Variants in YJU2B observed in about 807,000 individuals in gnomAD.
The protein encoded by YJU2B is YJU2 splicing factor homolog B.
Under a neutral mutation model 38.0 loss-of-function variants are expected in YJU2B, and 18 were observed. That is an observed-to-expected ratio of 0.47 (90% CI 0.33 to 0.70). The LOEUF is 0.70. Among genes scored for constraint, YJU2B ranks in the 30% least tolerant of loss-of-function variants. The probability of loss-of-function intolerance (pLI) is 0.02; values close to 1 mark genes in which losing one functional copy is unlikely to be tolerated. For synonymous variants in YJU2B, 246 were observed against 225.4 expected (o/e 1.09, Z -0.82); for missense variants, 538 against 556.3 (o/e 0.97, Z 0.33).
In YJU2B at chr19:13,762,214, G is replaced by A. The variant is rs540687727; in HGVS notation, c.574-85G>A. On this transcript the variant is annotated intron_variant, in intron 8 of 9. Coordinates refer to ENST00000221554, the MANE Select transcript of YJU2B (RefSeq NM_030818.4). Reference sequence around the variant, plus strand: ...TCTCAAAAAGAGTAAATGAGACCCCGAGAGTTGGAGCAGTGCCCCCTAGTA... The same window carrying A: ...TCTCAAAAAGAGTAAATGAGACCCCAAGAGTTGGAGCAGTGCCCCCTAGTA... 223 of 1,475,612 alleles carry A rather than the reference G, an allele frequency of 1.5e-4. 1 individual carries two copies. The African/African-American group carries it at 1.5e-3, about 10-fold the overall frequency. 91.4% of individuals were successfully genotyped at this position (1,475,612 alleles called of 1,614,324 possible).
chr19:13,734,077 A>T (rs1845485472), intron 2 of YJU2B, among the ~76,000 whole-genome samples: 1 of 151,776 alleles, frequency 6.6e-6, no homozygotes, highest in African/African-American at 2.4e-5. Context: ...ATAGGCATGC[A>T]CCACCCTGCT....
Position 13,762,704 on chromosome 19 carries a change from C to G in YJU2B, c.827C>G (p.Ala276Gly). Residue 276 changes from alanine (A) to glycine (G), a missense_variant, in exon 10 of 10, where the codon GCA becomes GGA. This residue lies in a region of YJU2B where 488 missense variants were observed against 469.5 expected (regional missense o/e 1.04). Transcript: ENST00000221554. ...GTCAGCGGCGTCCTGAAGAAGCTGG[C>G]ACAGAGCCGCAGAACCGCGCTTGCC... ...SKVSGVLKKL[A>G]QSRRTALATS... 1 of 1,605,534 alleles carries G rather than the reference C, an allele frequency of 6.2e-7. No individual in the cohort carries two copies. The highest frequency in any genetic ancestry group is 8.5e-7 in the Non-Finnish European group (1 of 1,179,406).
intron 4 of YJU2B, among the ~76,000 whole-genome samples, chr19:13,756,749 T>C (rs1599527891): frequency 6.6e-6 from 1 of 151,922 alleles, no homozygotes; most frequent in Non-Finnish European, 1.5e-5. Context: ...GTGAGGCAGG[T>C]GGATCACTTG....
upstream of YJU2B, among the ~76,000 whole-genome samples, chr19:13,743,147 G>GTTTTTTTTTTTTTTTTTTTTTTTT (rs1568279357): frequency 5.9e-5 from 9 of 152,164 alleles, no homozygotes; most frequent in African/African-American, 2.2e-4. Flanking sequence ...TGCAGGTGGG[G>GTTTTTTTTTTTTTTTTTTTTTTTT]GTTTTTTAAG....
Position 13,762,301 on chromosome 19 carries a change from A to G in YJU2B, c.576A>G (p.Glu192=), listed in dbSNP as rs1350876035. Residue 192 remains glutamate, a splice_region_variant and synonymous_variant, in exon 9 of 10, where the codon GAA becomes GAG. Transcript: ENST00000221554. ...GGTGTTCTTGGCCCTCAACACAGGA[A>G]AAGAAAAAAGCCATCCAGGAGGAGG... The part of the protein sequence containing the change: ...LNSMLRRRFR[E]KKKAIQEEEE... The G allele has an allele frequency of 6.2e-7, 1 of 1,613,320 alleles. No homozygotes were observed. Among genetic ancestry groups the G allele is most frequent in the African/African-American group, 1.3e-5 (1 of 74,830 alleles).
chr19:13,752,842 G>A (rs1973521561), intron 2 of YJU2B, among the ~76,000 whole-genome samples: 4 of 151,958 alleles, frequency 2.6e-5, no homozygotes, highest in Admixed American at 6.6e-5. Context: ...GAACTCAGGA[G>A]GCAGAGGTTG....
At chr19:13,737,697 A>C (rs1972990247) in intron 2 of YJU2B, among the ~76,000 whole-genome samples, 2 of 151,268 alleles carry the variant, frequency 1.3e-5, no homozygotes, top group Non-Finnish European at 2.9e-5. Context: ...AGGCAGGGGA[A>C]TCGCTGGAAC....
chr19:13,747,288 C>T (rs528200506), upstream of YJU2B, among the ~76,000 whole-genome samples: 3 of 152,250 alleles, frequency 2.0e-5, no homozygotes, highest in East Asian at 3.9e-4. Context: ...TATTTACGTA[C>T]GCTGAAATTT....
rs1008932356 is a variant in YJU2B, at chr19:13,757,564, T to C, written c.196+91T>C. 39 of 1,254,238 alleles carry C rather than the reference T, an allele frequency of 3.1e-5. 1 individual carries two copies. Among genetic ancestry groups the C allele is most frequent in the Non-Finnish European group, 7.0e-6 (6 of 861,496 alleles). 77.7% of individuals were successfully genotyped at this position (1,254,238 alleles called of 1,614,324 possible). A position where few individuals can be genotyped will look rare whatever the true frequency, so the allele number is the denominator to read the frequency against. On this transcript the variant is annotated intron_variant, in intron 5 of 9. Coordinates refer to ENST00000221554, the MANE Select transcript of YJU2B (RefSeq NM_030818.4). Reference sequence around the variant, plus strand: ...CGGGGTGGGGGTGGGAGGGTCCTGATCAGGAATGAGGGAGGAGACGGGCAC... The same window carrying C: ...CGGGGTGGGGGTGGGAGGGTCCTGACCAGGAATGAGGGAGGAGACGGGCAC...
In YJU2B at chr19:13,757,768, C is replaced by T. The variant is rs181701643; in HGVS notation, c.197-18C>T. ...CAGATGGCAATGAAATTACCACCCC[C>T]GCCTGACCCCCTTCCAGGTGTTCGT... On this transcript the variant is annotated intron_variant, in intron 5 of 9. Transcript: ENST00000221554. 142 of 1,613,632 alleles carry T rather than the reference C, an allele frequency of 8.8e-5. 2 individuals are homozygous for T. The African/African-American group carries it at 9.1e-4, about 10-fold the overall frequency.
intron 1 of YJU2B, among the ~76,000 whole-genome samples, chr19:13,748,952 C>T (rs1973352116): frequency 6.6e-6 from 1 of 152,212 alleles, no homozygotes; most frequent in Non-Finnish European, 1.5e-5. Context: ...ACCACTGCCT[C>T]ACCACCTCAC....
At chr19:13,737,059 G>A (rs1029259626) in intron 2 of YJU2B, among the ~76,000 whole-genome samples, 14 of 150,000 alleles carry the variant, frequency 9.3e-5, no homozygotes, top group Non-Finnish European at 1.9e-4. Context: ...AGAGGGTCTC[G>A]CTCTGTCACC....
At chr19:13,756,346 A>C (rs1973668603) in intron 4 of YJU2B, 67 bp downstream of exon 4, 2 of 1,313,230 alleles carry the variant, frequency 1.5e-6, no homozygotes, top group East Asian at 4.6e-5. Context: ...AGGAGAGTTC[A>C]GTGCCCTCAT....
intron 2 of YJU2B, among the ~76,000 whole-genome samples, chr19:13,733,953 G>A (rs1351992532): frequency 6.6e-6 from 1 of 152,042 alleles, no homozygotes; most frequent in African/African-American, 2.4e-5. Context: ...TGAGAGGCAG[G>A]ATCTCACTCT....
At chr19:13,732,390 C>G (rs1488790294) in intron 2 of YJU2B, 1 of 151,776 alleles carries the variant, frequency 6.6e-6, no homozygotes, top group Non-Finnish European at 1.5e-5. Context: ...CCCAAAATGC[C>G]CCAAACGCCA....
chr19:13,747,299 G>T (rs927557665), upstream of YJU2B, among the ~76,000 whole-genome samples: 1 of 152,122 alleles, frequency 6.6e-6, no homozygotes, highest in African/African-American at 2.4e-5. Flanking sequence ...GCTGAAATTT[G>T]AATGTTTTAT....
At chr19:13,748,504 A>C (rs998629322) in intron 1 of YJU2B, among the ~76,000 whole-genome samples, 9 of 151,554 alleles carry the variant, frequency 5.9e-5, no homozygotes, top group East Asian at 1.9e-4. Context: ...CAAGGACCGG[A>C]GATATCTACA....
At chr19:13,742,129 A>G (rs1973109785) in intron 2 of YJU2B, among the ~76,000 whole-genome samples, 1 of 152,026 alleles carries the variant, frequency 6.6e-6, no homozygotes, top group South Asian at 2.1e-4. Flanking sequence ...CGCCTCCCCA[A>G]GAGCTCAGAG....
chr19:13,743,750 G>A (rs567529172), upstream of YJU2B, among the ~76,000 whole-genome samples: 9 of 149,692 alleles, frequency 6.0e-5, no homozygotes, highest in East Asian at 3.9e-4. Context: ...AAAATTAGCC[G>A]GATGCGGTGG....
Sources: allele counts gnomAD v4.1 joint callset (sites outside exome capture counted in the v4.1 genomes callset), GRCh38; gene constraint gnomAD v4.1.1; regional missense constraint gnomAD v4.1.1; transcripts MANE v1.5; gene names NCBI Gene and HGNC (gene_info 2026-07-23, HGNC 2026-07-21).